The following GAS2 variants were observed in gnomAD, a reference collection of about 807,000 sequenced individuals.
GAS2 encodes growth arrest specific 2.
GAS2 carries 20 observed loss-of-function variants against 37.5 expected under a neutral mutation model. The observed-to-expected ratio is 0.53, with a 90% confidence interval of 0.37 to 0.77. GAS2 has a LOEUF of 0.77. GAS2 is among the 30% of genes least tolerant of loss of function. The probability of loss-of-function intolerance (pLI) is 0.00; values close to 1 mark genes in which losing one functional copy is unlikely to be tolerated. For synonymous variants in GAS2, 144 were observed against 132.2 expected, an observed-to-expected ratio of 1.09 and a Z score of -0.61; for missense variants, 336 against 373.4, an observed-to-expected ratio of 0.90 and a Z score of 0.82.
chr11:22,746,203 CAAAA>C (rs1418559592), intron 5 of GAS2, among the ~76,000 whole-genome samples: 1 of 151,810 alleles, frequency 6.6e-6, no homozygotes, highest in African/African-American at 2.4e-5. Context: ...AACAAACAAA[CAAAA>C]AACCCATCAG....
At chr11:22,756,180 G>T (rs999144524) in intron 7 of GAS2, among the ~76,000 whole-genome samples, 6 of 151,926 alleles carry the variant, frequency 3.9e-5, no homozygotes, top group Non-Finnish European at 8.8e-5. Context: ...AAGACACCAT[G>T]GAGATCAAAT....
intron 1 of GAS2, among the ~76,000 whole-genome samples, chr11:22,651,698 C>T (rs1412746656): frequency 6.6e-6 from 1 of 152,166 alleles, no homozygotes; most frequent in Non-Finnish European, 1.5e-5. Flanking sequence ...CCCTTTCTTC[C>T]AGTTGATGGC....
chr11:22,745,884 A>G (rs1565123161), intron 5 of GAS2, among the ~76,000 whole-genome samples: 1 of 152,292 alleles, frequency 6.6e-6, no homozygotes, highest in East Asian at 1.9e-4. Context: ...CAAAACCACA[A>G]TGAAGCCAGG....
At chr11:22,626,931 G>A (rs560247465) in intron 1 of GAS2, 1 of 152,176 alleles carries the variant, frequency 6.6e-6, no homozygotes, top group African/African-American at 2.4e-5. Flanking sequence ...TTGAAACGGA[G>A]TCTCATTCTG....
At chr11:22,673,152 A>G (rs1849274061) in intron 1 of GAS2, among the ~76,000 whole-genome samples, 1 of 152,162 alleles carries the variant, frequency 6.6e-6, no homozygotes, top group Non-Finnish European at 1.5e-5. Context: ...GTACTTACTC[A>G]TACTCCCAAC....
At chr11:22,677,531 G>A (rs1311603266) in intron 2 of GAS2, among the ~76,000 whole-genome samples, 2 of 152,156 alleles carry the variant, frequency 1.3e-5, no homozygotes, top group Non-Finnish European at 2.9e-5. Flanking sequence ...TTAGAGTATA[G>A]TCTGCTTATA....
intron 5 of GAS2, 25 bp downstream of exon 5, chr11:22,737,793 T>G (rs1190890418): frequency 6.2e-7 from 1 of 1,607,568 alleles, no homozygotes. Flanking sequence ...TGCAACTATG[T>G]CAAGACATTG....
At chr11:22,660,288 A>C (rs539189339) in intron 1 of GAS2, among the ~76,000 whole-genome samples, 1 of 152,298 alleles carries the variant, frequency 6.6e-6, no homozygotes, top group East Asian at 1.9e-4. Flanking sequence ...GAAGACTCAG[A>C]GAAGGGATGT....
At chr11:22,686,318 A>G (rs931819612) in intron 3 of GAS2, among the ~76,000 whole-genome samples, 1 of 152,100 alleles carries the variant, frequency 6.6e-6, no homozygotes, top group African/African-American at 2.4e-5. Flanking sequence ...TTTTCTAGTG[A>G]TTATAAACAC....
At chr11:22,637,087 AAG>A (rs1335401522) in intron 1 of GAS2, among the ~76,000 whole-genome samples, 1 of 131,946 alleles carries the variant, frequency 7.6e-6, no homozygotes, top group East Asian at 2.3e-4. Flanking sequence ...TTAATATAAT[AAG>A]TAATATTGTA....
chr11:22,739,565 T>G (rs1852947587), intron 5 of GAS2, among the ~76,000 whole-genome samples: 1 of 84,120 alleles, frequency 1.2e-5, no homozygotes. Context: ...AGAGCAAGAT[T>G]CGCTCTCAAA....
intron 3 of GAS2, among the ~76,000 whole-genome samples, chr11:22,711,230 T>A (rs1029753269): frequency 6.6e-6 from 1 of 152,196 alleles, no homozygotes; most frequent in Non-Finnish European, 1.5e-5. Context: ...GGGAGAAGGA[T>A]TTAACTTTAC....
chr11:22,628,060 T>C (rs1858687962), intron 1 of GAS2, among the ~76,000 whole-genome samples: 1 of 152,338 alleles, frequency 6.6e-6, no homozygotes, highest in African/African-American at 2.4e-5. Context: ...AAATTCTTCC[T>C]TGAGCATAGT....
chr11:22,801,659 A>G (rs1245921798), intron 7 of GAS2, among the ~76,000 whole-genome samples: 1 of 152,088 alleles, frequency 6.6e-6, no homozygotes, highest in Non-Finnish European at 1.5e-5. Context: ...CTTAATTCTA[A>G]GGTCATATGC....
chr11:22,780,557 C>A (rs1356939162), intron 7 of GAS2, among the ~76,000 whole-genome samples: 1,330 of 89,662 alleles, frequency 0.015, no homozygotes, highest in Middle Eastern at 0.022. Context: ...GACTCTGTCT[C>A]AAAAAAAAAA....
intron 3 of GAS2, among the ~76,000 whole-genome samples, chr11:22,696,061 T>G (rs1850494468): frequency 6.6e-6 from 1 of 151,686 alleles, no homozygotes; most frequent in African/African-American, 2.4e-5. Context: ...CATGTAGCAT[T>G]AGGTATATCT....
chr11:22,695,079 G>C (rs1250385739), intron 3 of GAS2, among the ~76,000 whole-genome samples: 1 of 152,098 alleles, frequency 6.6e-6, no homozygotes, highest in South Asian at 2.1e-4. Flanking sequence ...CAATACTTCG[G>C]GAGGCTGAGG....
chr11:22,760,135 T>A, intron 7 of GAS2, among the ~76,000 whole-genome samples: 1 of 112,106 alleles, frequency 8.9e-6, no homozygotes, highest in East Asian at 2.2e-4. Flanking sequence ...TTTTAATTTT[T>A]AATTTTTTTT....
chr11:22,686,500 G>A (rs1197005641), intron 3 of GAS2, among the ~76,000 whole-genome samples: 1 of 147,680 alleles, frequency 6.8e-6, no homozygotes, highest in African/African-American at 2.5e-5. Flanking sequence ...CAGATCACTT[G>A]AGGTCAGGAG....
Sources: gnomAD v4.1 joint callset for allele counts (sites outside exome capture counted in the v4.1 genomes callset) on GRCh38, gnomAD v4.1.1 for gene constraint, MANE v1.5 for transcripts, NCBI Gene and HGNC (gene_info 2026-07-23, HGNC 2026-07-21) for gene names.